The following AJAP1 variants were observed in gnomAD, a reference collection of about 807,000 sequenced individuals.
The protein encoded by AJAP1 is adherens junction-associated protein 1.
AJAP1 carries 5 observed loss-of-function variants against 35.0 expected under a neutral mutation model. That is an observed-to-expected ratio of 0.14 (90% CI 0.07 to 0.30). The LOEUF is 0.30. AJAP1 is among the 10% of genes least tolerant of loss of function. The pLI is 1.00. For synonymous variants in AJAP1, 284 were observed against 249.3 expected (o/e 1.14, Z -1.31); for missense variants, 586 against 571.0 (o/e 1.03, Z -0.27).
At chr1:4,664,284 A>G (rs1021785223) in intron 1 of AJAP1, among the ~76,000 whole-genome samples, 1 of 152,232 alleles carries the variant, frequency 6.6e-6, no homozygotes, top group Non-Finnish European at 1.5e-5. Context: ...TACAGCATCC[A>G]CCAGGCTGGG....
intron 1 of AJAP1, among the ~76,000 whole-genome samples, chr1:4,688,809 C>T (rs575049750): frequency 1.3e-5 from 2 of 151,556 alleles, no homozygotes; most frequent in East Asian, 1.9e-4. Flanking sequence ...GATCGTGATG[C>T]CCTTCTTGTT....
chr1:4,755,103 C>T (rs190582570), intron 2 of AJAP1, among the ~76,000 whole-genome samples: 1 of 152,340 alleles, frequency 6.6e-6, no homozygotes, highest in Admixed American at 6.5e-5. Flanking sequence ...CTGCCCACTC[C>T]TGTCCTGGTG....
At chr1:4,704,097 T>A (rs1235134208) in intron 1 of AJAP1, among the ~76,000 whole-genome samples, 1 of 151,814 alleles carries the variant, frequency 6.6e-6, no homozygotes, top group East Asian at 1.9e-4. Context: ...TGTGGATAAT[T>A]ACCCCCTTAC....
intron 1 of AJAP1, among the ~76,000 whole-genome samples, chr1:4,699,450 C>G (rs1436139867): frequency 2.0e-5 from 3 of 152,166 alleles, no homozygotes; most frequent in African/African-American, 7.2e-5. Flanking sequence ...TAGATATTTC[C>G]TATGAAGACA....
chr1:4,725,133 C>T (rs1208303129), intron 2 of AJAP1, among the ~76,000 whole-genome samples: 1 of 152,194 alleles, frequency 6.6e-6, no homozygotes, highest in Non-Finnish European at 1.5e-5. Context: ...GCTTGCTGGT[C>T]CCTGGGTGTT....
chr1:4,712,247 C>A lies in AJAP1; in HGVS notation c.377C>A (p.Ser126Tyr). 1 of 1,529,034 alleles carries A rather than the reference C, an allele frequency of 6.5e-7. No homozygotes were observed. The highest frequency in any genetic ancestry group is 8.7e-7 in the Non-Finnish European group (1 of 1,145,210). The allele number at this position is 1,529,034 out of a possible 1,614,324, so 94.7% of individuals were successfully genotyped here. The change falls in exon 2 of 6, where the codon TCC (serine) becomes TAC (tyrosine). Residue 126 changes from serine to tyrosine, a missense_variant. Coordinates refer to ENST00000378191, the MANE Select transcript of AJAP1 (RefSeq NM_018836.4). Reference sequence around the variant, plus strand: ...GCCAAGCCCCCAGCTGCTGCCAAATCCAGCCCTTCCCTCGCCTCTTCGTCC... The same window carrying A: ...GCCAAGCCCCCAGCTGCTGCCAAATACAGCCCTTCCCTCGCCTCTTCGTCC... ...GLAKPPAAAK[S>Y]SPSLASSSSS... is the part of the protein sequence containing the mutation.
intron 1 of AJAP1, among the ~76,000 whole-genome samples, chr1:4,658,693 CA>C (rs1638936624): frequency 6.6e-6 from 1 of 152,228 alleles, no homozygotes; most frequent in South Asian, 2.1e-4. Flanking sequence ...CTTGGGGATA[CA>C]CTGGCCAAGT....
chr1:4,727,022 C>T (rs1225522935), intron 2 of AJAP1, among the ~76,000 whole-genome samples: 1 of 152,184 alleles, frequency 6.6e-6, no homozygotes, highest in Non-Finnish European at 1.5e-5. Context: ...AGCCCCCCGG[C>T]GTGGGCCACC....
intron 2 of AJAP1, among the ~76,000 whole-genome samples, chr1:4,719,458 G>A (rs956571884): frequency 6.6e-6 from 1 of 152,250 alleles, no homozygotes. Flanking sequence ...TGTTATTCTG[G>A]CAATACAGAT....
chr1:4,720,292 G>A lies in AJAP1; in HGVS notation c.829+7593G>A, dbSNP rs764059719. 6.6e-5 allele frequency among the ~76,000 whole-genome samples: 10 copies of A among 152,302 alleles called. No homozygotes were observed. Among genetic ancestry groups the A allele is most frequent in the South Asian group, 2.1e-4 (1 of 4,820 alleles). On this transcript the variant is annotated intron_variant, in intron 2 of 5. Transcript: ENST00000378191. This position sits in a 1 kb window ranked among gnomAD's most constrained non-coding sequence, Gnocchi z 4.4. ...GGTTCAGTGAATCTCACAACCGTCC[G>A]CCTTGCAGTCTGTGTAAGGACGTGA...
chr1:4,680,823 CCAAA>C (rs1303274805), intron 1 of AJAP1, among the ~76,000 whole-genome samples: 1 of 152,138 alleles, frequency 6.6e-6, no homozygotes, highest in Non-Finnish European at 1.5e-5. Context: ...TGATTCCATC[CCAAA>C]CATCTTTCTA....
At chr1:4,676,284 A>C (rs1305545644) in intron 1 of AJAP1, among the ~76,000 whole-genome samples, 1 of 152,232 alleles carries the variant, frequency 6.6e-6, no homozygotes, top group Non-Finnish European at 1.5e-5. Context: ...TTCCAAAAAA[A>C]GATGATTTGT....
chr1:4,677,916 T>A (rs1324034622), intron 1 of AJAP1, among the ~76,000 whole-genome samples: 1 of 152,200 alleles, frequency 6.6e-6, no homozygotes, highest in Non-Finnish European at 1.5e-5. Context: ...CATATAAATA[T>A]CAGGTGAGGA....
chr1:4,656,939 GC>G lies in AJAP1; in HGVS notation c.29+1487del, dbSNP rs1638894790. Among the ~76,000 whole-genome samples the G allele has an allele frequency of 6.6e-6, 1 of 152,116 alleles. No individual in the cohort carries two copies. The highest frequency in any genetic ancestry group is 2.4e-5 in the African/African-American group (1 of 41,420). On this transcript the variant is annotated intron_variant, in intron 1 of 5. Coordinates refer to ENST00000378191, the MANE Select transcript of AJAP1 (RefSeq NM_018836.4). The surrounding 1 kb of genome is among the most constrained non-coding windows in gnomAD (Gnocchi z 5.7). ...CCTGATCCAGGTGCCCTGGAGGCCT[GC>G]CATCCCCTGCTCTGCCCCGGACTGT...
chr1:4,696,966 C>T (rs1178349597), intron 1 of AJAP1, among the ~76,000 whole-genome samples: 1 of 151,956 alleles, frequency 6.6e-6, no homozygotes, highest in Non-Finnish European at 1.5e-5. Flanking sequence ...GTATGTGTGT[C>T]TCTGTATGTG....
intron 2 of AJAP1, among the ~76,000 whole-genome samples, chr1:4,755,258 A>G (rs907677910): frequency 6.6e-6 from 1 of 152,230 alleles, no homozygotes; most frequent in Non-Finnish European, 1.5e-5. Flanking sequence ...ATTTAACAAT[A>G]TTCTGCAGCA....
chr1:4,732,010 G>A (rs1416359747), intron 2 of AJAP1, among the ~76,000 whole-genome samples: 4 of 152,248 alleles, frequency 2.6e-5, no homozygotes, highest in Admixed American at 2.6e-4. Context: ...GAGTAGGGAG[G>A]CGGGAGCCTG....
chr1:4,662,411 C>T (rs181361742), intron 1 of AJAP1, among the ~76,000 whole-genome samples: 1 of 152,326 alleles, frequency 6.6e-6, no homozygotes, highest in African/African-American at 2.4e-5. Flanking sequence ...TAGCTTGCCA[C>T]GTCATTCCCT....
intron 1 of AJAP1, among the ~76,000 whole-genome samples, chr1:4,702,560 A>G (rs902475178): frequency 3.9e-5 from 6 of 152,156 alleles, no homozygotes; most frequent in Non-Finnish European, 2.9e-5. Context: ...TTATCAGCTT[A>G]AGGAAAATGC....
Sources: allele counts gnomAD v4.1 joint callset (sites outside exome capture counted in the v4.1 genomes callset), GRCh38; gene constraint gnomAD v4.1.1; non-coding constraint Gnocchi (gnomAD v3.1); transcripts MANE v1.5; gene names NCBI Gene and HGNC (gene_info 2026-07-23, HGNC 2026-07-21).